Variants in SNAP25 observed in about 807,000 individuals in gnomAD.
SNAP25 encodes synaptosomal-associated protein 25.
In SNAP25, 3 loss-of-function variants were observed where a neutral mutation model predicts 28.7. That is an observed-to-expected ratio of 0.10 (90% CI 0.05 to 0.27). The LOEUF is 0.27. SNAP25 is among the 10% of genes least tolerant of loss of function. The probability of loss-of-function intolerance (pLI) is 1.00; values close to 1 mark genes in which losing one functional copy is unlikely to be tolerated. For missense variants in SNAP25, 117 were observed against 278.7 expected (o/e 0.42, Z 4.13); for synonymous variants, 61 against 88.1 (o/e 0.69, Z 1.72).
chr20:10,231,055 T>C (rs1238713477), intron 1 of SNAP25, among the ~76,000 whole-genome samples: 3 of 152,132 alleles, frequency 2.0e-5, no homozygotes, highest in Admixed American at 2.0e-4. Flanking sequence ...CCATAGCCTC[T>C]GAAGGATACC....
intron 1 of SNAP25, among the ~76,000 whole-genome samples, chr20:10,270,269 G>GA (rs1286627337): frequency 6.6e-6 from 1 of 151,894 alleles, no homozygotes; most frequent in Non-Finnish European, 1.5e-5. Flanking sequence ...ACAGCAAGAA[G>GA]AAAAAACTAC....
At chr20:10,266,399 A>C (rs1170246829) in intron 1 of SNAP25, among the ~76,000 whole-genome samples, 1 of 152,236 alleles carries the variant, frequency 6.6e-6, no homozygotes, top group Non-Finnish European at 1.5e-5. Flanking sequence ...AGGGAAAGAG[A>C]TTATTAGTCT....
chr20:10,231,454 C>T (rs185959294), intron 1 of SNAP25: 2 of 152,462 alleles, frequency 1.3e-5, no homozygotes, highest in Non-Finnish European at 2.9e-5. Context: ...CAAGCTTCAG[C>T]TCTTCTTCCA....
At chr20:10,241,715 G>A (rs1177460980) in intron 1 of SNAP25, among the ~76,000 whole-genome samples, 2 of 152,144 alleles carry the variant, frequency 1.3e-5, no homozygotes, top group African/African-American at 2.4e-5. Flanking sequence ...CAAGCCTGAG[G>A]CAGGGGCAAG....
chr20:10,271,191 C>T (rs1024500641), intron 1 of SNAP25, among the ~76,000 whole-genome samples: 2 of 152,184 alleles, frequency 1.3e-5, no homozygotes, highest in African/African-American at 4.8e-5. Flanking sequence ...ATCATAAATG[C>T]CACTTCACTA....
intron 4 of SNAP25, among the ~76,000 whole-genome samples, chr20:10,285,535 CAA>C (rs1388926566): frequency 6.6e-6 from 1 of 152,142 alleles, no homozygotes; most frequent in Admixed American, 6.6e-5. Flanking sequence ...CAGATTTCTG[CAA>C]AGTTTTTTTC....
At position 10,233,377 on chromosome 20, in the gene SNAP25, G is replaced by A. The variant is rs148681223; in HGVS notation, c.-64+14400G>A. 6.7e-5 allele frequency among the ~76,000 whole-genome samples: 10 copies of A among 149,242 alleles called. 1 individual carries two copies. Among genetic ancestry groups the A allele is most frequent in the Admixed American group, 6.6e-4 (10 of 15,186 alleles). On this transcript the variant is annotated intron_variant, in intron 1 of 7. Transcript: ENST00000254976. ...TATGAAAATATATGCAACCCAGAGG[G>A]AAAAGATATGAATGTGATTCCTTGA...
intron 5 of SNAP25, chr20:10,296,663 ACAAAACAAAC>A: frequency 2.2e-6 from 1 of 445,788 alleles, no homozygotes; most frequent in Non-Finnish European, 4.0e-6. Context: ...AAACTAAACC[ACAAAACAAAC>A]CAAAACAAGA....
chr20:10,254,527 G>A (rs60866205), intron 1 of SNAP25, among the ~76,000 whole-genome samples: 11 of 152,104 alleles, frequency 7.2e-5, no homozygotes, highest in East Asian at 1.9e-4. Context: ...TCCTTTTCCC[G>A]CGCACTCCCA....
chr20:10,254,909 C>T (rs903176005), intron 1 of SNAP25, among the ~76,000 whole-genome samples: 1 of 152,174 alleles, frequency 6.6e-6, no homozygotes, highest in African/African-American at 2.4e-5. Context: ...GAAAATCTCT[C>T]TAGCTTCCCT....
At chr20:10,245,971 C>T (rs371753309) in intron 1 of SNAP25, among the ~76,000 whole-genome samples, 4 of 152,136 alleles carry the variant, frequency 2.6e-5, no homozygotes, top group African/African-American at 9.7e-5. Flanking sequence ...ATACCTTTAC[C>T]GAAGTCTGAG....
Position 10,251,490 on chromosome 20 carries a change from G to A in SNAP25, c.-63-23939G>A, listed in dbSNP as rs117780725. On this transcript the variant is annotated intron_variant, in intron 1 of 7. Coordinates refer to ENST00000254976, the MANE Select transcript of SNAP25 (RefSeq NM_130811.4). The stretch of plus-strand genomic sequence containing the variant: ...GGATGATATTATGGCAAAAGAAATA[G>A]CAGACATTGGAAGGATTACAGTAAA... 2.3e-3 allele frequency among the ~76,000 whole-genome samples: 351 copies of A among 152,280 alleles called. 14 individuals carry two copies. The East Asian group carries it at 0.062, about 27-fold the overall frequency.
chr20:10,297,523 C>A (rs1022745257), intron 6 of SNAP25, among the ~76,000 whole-genome samples: 20 of 152,118 alleles, frequency 1.3e-4, no homozygotes, highest in African/African-American at 4.8e-4. Flanking sequence ...GAGGGGTGGG[C>A]AGGACTAATA....
chr20:10,285,802 A>T (rs968115986), intron 4 of SNAP25, among the ~76,000 whole-genome samples: 6 of 152,136 alleles, frequency 3.9e-5, no homozygotes, highest in African/African-American at 1.4e-4. Flanking sequence ...GTAAAATAAG[A>T]CGTCATCACA....
intron 1 of SNAP25, among the ~76,000 whole-genome samples, chr20:10,237,767 A>G (rs2062950090): frequency 6.6e-6 from 1 of 152,226 alleles, no homozygotes; most frequent in Non-Finnish European, 1.5e-5. Flanking sequence ...TAAGTCCCTC[A>G]GCTTAAAAAT....
At chr20:10,243,897 T>C (rs2063079625) in intron 1 of SNAP25, among the ~76,000 whole-genome samples, 1 of 152,062 alleles carries the variant, frequency 6.6e-6, no homozygotes, top group Non-Finnish European at 1.5e-5. Context: ...TGAGACACAT[T>C]TTTATGGCCA....
intron 4 of SNAP25, among the ~76,000 whole-genome samples, chr20:10,286,366 T>C (rs2063879113): frequency 6.6e-6 from 1 of 152,090 alleles, no homozygotes. Context: ...CTGTGATAGG[T>C]CAAGGGGAGA....
chr20:10,260,154 A>G (rs1252823958), intron 1 of SNAP25, among the ~76,000 whole-genome samples: 1 of 152,078 alleles, frequency 6.6e-6, no homozygotes, highest in East Asian at 1.9e-4. Context: ...TCCTCTGCCA[A>G]TTTGGTAATT....
intron 2 of SNAP25, among the ~76,000 whole-genome samples, chr20:10,276,603 A>C (rs1181751089): frequency 6.6e-6 from 1 of 152,242 alleles, no homozygotes; most frequent in African/African-American, 2.4e-5. Context: ...CTTACTCATT[A>C]ATATACATGA....
Sources: gnomAD v4.1 joint callset for allele counts (sites outside exome capture counted in the v4.1 genomes callset) on GRCh38, gnomAD v4.1.1 for gene constraint, MANE v1.5 for transcripts, NCBI Gene and HGNC (gene_info 2026-07-23, HGNC 2026-07-21) for gene names.